Variants in CDC42SE2 observed in about 807,000 individuals in gnomAD.
CDC42SE2 encodes CDC42 small effector 2.
A neutral mutation model predicts 11.5 loss-of-function variants in CDC42SE2; 3 were observed. That is an observed-to-expected ratio of 0.26 (90% CI 0.12 to 0.67). The LOEUF is 0.67. CDC42SE2 is among the 30% of genes least tolerant of loss of function. CDC42SE2 has a pLI of 0.80. For synonymous variants in CDC42SE2, 33 were observed against 34.8 expected (o/e 0.95, Z 0.18); for missense variants, 82 against 106.8 (o/e 0.77, Z 1.02).
At chr5:131,322,774 T>C (rs1003365122) in intron 2 of CDC42SE2, among the ~76,000 whole-genome samples, 4 of 152,228 alleles carry the variant, frequency 2.6e-5, no homozygotes, top group Admixed American at 6.5e-5. Flanking sequence ...TGGGCAAATA[T>C]GTCTTCAGGG....
chr5:131,311,651 C>CT (rs1418112627), intron 1 of CDC42SE2, among the ~76,000 whole-genome samples: 1 of 152,080 alleles, frequency 6.6e-6, no homozygotes, highest in African/African-American at 2.4e-5. Flanking sequence ...TCTTTTTATT[C>CT]TTTTTTCTCT....
the CDC42SE2 span, among the ~76,000 whole-genome samples, chr5:131,231,521 G>T: frequency 6.6e-6 from 1 of 152,156 alleles, no homozygotes; most frequent in Non-Finnish European, 1.5e-5. Flanking sequence ...GGCCAGTTTG[G>T]TTGGGACTGA....
chr5:131,392,364 C>T lies in CDC42SE2; in HGVS notation c.*1273C>T, dbSNP rs759448386. ...TGCATGCTTTATGAAGTTGTTGCTTCGGTAAGAGCCCATGGGATGCCAGAA... is the reference window on the plus strand; with the variant it reads ...TGCATGCTTTATGAAGTTGTTGCTTTGGTAAGAGCCCATGGGATGCCAGAA... On this transcript the variant is annotated 3_prime_UTR_variant, in exon 5 of 5. Coordinates refer to ENST00000505065, the MANE Select transcript of CDC42SE2 (RefSeq NM_001375635.1). 1 of 152,636 alleles carries T rather than the reference C, an allele frequency of 6.6e-6. No homozygotes were observed. The highest frequency in any genetic ancestry group is 1.5e-5 in the Non-Finnish European group (1 of 68,026). The allele number at this position is 152,636 out of a possible 1,614,324, so 9.5% of individuals were successfully genotyped here. A position where few individuals can be genotyped will look rare whatever the true frequency, so the allele number is the denominator to read the frequency against.
chr5:131,331,763 G>A (rs750061963), intron 2 of CDC42SE2, among the ~76,000 whole-genome samples: 3 of 152,100 alleles, frequency 2.0e-5, no homozygotes, highest in Non-Finnish European at 4.4e-5. Flanking sequence ...AATAGTTCAT[G>A]TTCTTTGACA....
At position 131,339,202 on chromosome 5, in the gene CDC42SE2, C is replaced by T. The variant is rs181969217; in HGVS notation, c.-285-20007C>T. ...GGTGGAGGTTGCAGTGAGCTGAGAT[C>T]GCACCACTGCACTCCAGCGTGGTGA... On this transcript the variant is annotated intron_variant, in intron 2 of 4. Coordinates refer to ENST00000505065, the MANE Select transcript of CDC42SE2 (RefSeq NM_001375635.1). Among the ~76,000 whole-genome samples, 59 of 129,270 alleles carry T rather than the reference C, an allele frequency of 4.6e-4. No individual in the cohort carries two copies. In the East Asian group the frequency reaches 0.011, roughly 24 times the overall value. The allele number at this position is 129,270 out of a possible 152,430, so 84.8% of individuals were successfully genotyped here.
In CDC42SE2 at chr5:131,360,546, A is replaced by T. The variant is rs191246120; in HGVS notation, c.54+999A>T. Among the ~76,000 whole-genome samples the T allele has an allele frequency of 1.6e-3, 247 of 152,336 alleles. 2 individuals carry two copies. The highest frequency in any genetic ancestry group is 5.5e-3 in the African/African-American group (230 of 41,574). On this transcript the variant is annotated intron_variant, in intron 3 of 4. Transcript: ENST00000505065. ...CTTTAGTTCATTTTTCTATTATAGC[A>T]TGGAACCTTTTGCATAGTAAATAAC...
rs140609744 is a variant in CDC42SE2 at position 131,339,301 on chromosome 5, A to G, written c.-285-19908A>G. On this transcript the variant is annotated intron_variant, in intron 2 of 4. Transcript: ENST00000505065. ...TGCTTTTTCAAACAGAGAGACCTGG[A>G]CTTGCACAGGAAAAACAGTTTCTAT... Among the ~76,000 whole-genome samples the G allele has an allele frequency of 3.5e-3, 527 of 149,930 alleles. 1 individual carries two copies. Among genetic ancestry groups the G allele is most frequent in the Middle Eastern group, 0.017 (5 of 294 alleles).
chr5:131,349,568 G>A (rs756200220), intron 2 of CDC42SE2, among the ~76,000 whole-genome samples: 9 of 152,106 alleles, frequency 5.9e-5, no homozygotes, highest in Admixed American at 2.0e-4. Context: ...ATTGGTTTTC[G>A]ACTGTGCAGG....
At chr5:131,371,445 G>C (rs970923515) in intron 3 of CDC42SE2, among the ~76,000 whole-genome samples, 1 of 151,972 alleles carries the variant, frequency 6.6e-6, no homozygotes, top group African/African-American at 2.4e-5. Flanking sequence ...TTTGTCTATT[G>C]AACTTTCTTA....
chr5:131,371,107 TATA>T (rs1324003203), intron 3 of CDC42SE2, among the ~76,000 whole-genome samples: 3 of 152,230 alleles, frequency 2.0e-5, no homozygotes, highest in Non-Finnish European at 4.4e-5. Context: ...GATTTAATAA[TATA>T]ATGGTATTTT....
intron 2 of CDC42SE2, among the ~76,000 whole-genome samples, chr5:131,347,598 G>C (rs1024934396): frequency 3.9e-5 from 6 of 152,124 alleles, no homozygotes; most frequent in Non-Finnish European, 7.4e-5. Context: ...CATTCCTTCT[G>C]AAACTACTCC....
At chr5:131,356,925 T>A (rs147082617) in intron 2 of CDC42SE2, among the ~76,000 whole-genome samples, 135 of 152,262 alleles carry the variant, frequency 8.9e-4, no homozygotes, top group South Asian at 2.3e-3. Flanking sequence ...ATTTTTTTTT[T>A]AATTTCACAA....
rs371732092 is a variant in CDC42SE2, at chr5:131,256,019, T to C, written n.242+790T>C. Among the ~76,000 whole-genome samples, 6 of 152,298 alleles carry C rather than the reference T, an allele frequency of 3.9e-5. No homozygotes were observed. In the East Asian group the frequency reaches 7.7e-4, roughly 20 times the overall value. On this transcript the variant is annotated intron_variant and non_coding_transcript_variant, in intron 2 of 3. Transcript: ENST00000502840. ...AAACAAACCCATATCCGCCTGACAC[T>C]AGAGACCATTCTCTTTTTACTAAGG...
chr5:131,285,056 G>A lies in CDC42SE2; in HGVS notation c.-455+20890G>A, dbSNP rs139032029. 1.6e-3 allele frequency among the ~76,000 whole-genome samples: 249 copies of A among 152,028 alleles called. 1 individual carries two copies. Among genetic ancestry groups the A allele is most frequent in the African/African-American group, 5.7e-3 (235 of 41,468 alleles). On this transcript the variant is annotated intron_variant, in intron 1 of 4. Transcript: ENST00000505065. Reference sequence around the variant, plus strand: ...TAATCCCAGCACTTTGGGAGGACAAGGTGGGAGGATTGCTTGAGCCCTGGA... The same window carrying A: ...TAATCCCAGCACTTTGGGAGGACAAAGTGGGAGGATTGCTTGAGCCCTGGA...
chr5:131,378,768 G>A (rs1750227722), intron 3 of CDC42SE2, among the ~76,000 whole-genome samples: 1 of 152,186 alleles, frequency 6.6e-6, no homozygotes, highest in Admixed American at 6.5e-5. Flanking sequence ...GAATCAGACT[G>A]AACACCACCA....
rs565926151 is a variant in CDC42SE2 at position 131,351,543 on chromosome 5, C to T, written c.-285-7666C>T. On this transcript the variant is annotated intron_variant, in intron 2 of 4. Coordinates refer to ENST00000505065, the MANE Select transcript of CDC42SE2 (RefSeq NM_001375635.1). ...TGTTGGGATTACAGGCGTGAGCCAC[C>T]GTGCCCGGCCTCAGCCCTGATTTTC... is the stretch of plus-strand genomic sequence containing the variant. 1.7e-3 allele frequency among the ~76,000 whole-genome samples: 257 copies of T among 152,066 alleles called. 1 individual carries two copies. The highest frequency in any genetic ancestry group is 5.5e-3 in the African/African-American group (227 of 41,486).
intron 1 of CDC42SE2, among the ~76,000 whole-genome samples, chr5:131,309,405 C>G (rs940359507): frequency 6.6e-5 from 10 of 152,050 alleles, no homozygotes; most frequent in Non-Finnish European, 1.3e-4. Context: ...GTCTAAAATT[C>G]TCTTTTTTGG....
At chr5:131,377,490 T>C (rs755701671) in intron 3 of CDC42SE2, among the ~76,000 whole-genome samples, 2 of 152,242 alleles carry the variant, frequency 1.3e-5, no homozygotes, top group Non-Finnish European at 2.9e-5. Flanking sequence ...TAATAGTCAT[T>C]CAGCTGTTAA....
At chr5:131,244,259 G>A (rs956497320), upstream of CDC42SE2, among the ~76,000 whole-genome samples, 2 of 152,164 alleles carry the variant, frequency 1.3e-5, no homozygotes, top group African/African-American at 2.4e-5. Flanking sequence ...TGGGTGATAT[G>A]AATCTACTTT....
Sources: allele counts gnomAD v4.1 joint callset (sites outside exome capture counted in the v4.1 genomes callset), GRCh38; gene constraint gnomAD v4.1.1; transcripts MANE v1.5; gene names NCBI Gene and HGNC (gene_info 2026-07-23, HGNC 2026-07-21).